Variants in DCAF17 observed in about 807,000 individuals in gnomAD.
DCAF17 encodes DDB1 and CUL4 associated factor 17, also known as DDB1- and CUL4-associated factor 17.
A neutral mutation model predicts 66.0 loss-of-function variants in DCAF17; 48 were observed. The ratio of observed to expected loss-of-function variants is 0.73; its 90% CI spans 0.58 to 0.92. The LOEUF is 0.92. Among genes scored for constraint, DCAF17 ranks in the 40% least tolerant of loss-of-function variants. DCAF17 has a pLI of 0.00. For synonymous variants in DCAF17, 206 were observed against 214.6 expected (o/e 0.96, Z 0.35); for missense variants, 562 against 622.8 (o/e 0.90, Z 1.04).
chr2:171,436,371 A>C, intron 2 of DCAF17, among the ~76,000 whole-genome samples: 1 of 152,210 alleles, frequency 6.6e-6, no homozygotes, highest in East Asian at 1.9e-4. Flanking sequence ...ATTATACTGT[A>C]ACTGCGTTTA....
At chr2:171,437,034 A>G (rs1329570947) in intron 2 of DCAF17, among the ~76,000 whole-genome samples, 1 of 146,936 alleles carries the variant, frequency 6.8e-6, no homozygotes, top group Non-Finnish European at 1.6e-5. Flanking sequence ...TCGGCCTCCC[A>G]AAGTGCTGGG....
intron 1 of DCAF17, 48 bp from the exon 2 acceptor site, chr2:171,435,035 T>G: frequency 7.1e-7 from 1 of 1,417,360 alleles, no homozygotes; most frequent in Non-Finnish European, 9.9e-7. Context: ...AAATCTAACT[T>G]AAAGCCTAAG....
chr2:171,446,501 A>G lies in DCAF17; in HGVS notation c.322-2180A>G, dbSNP rs190753413. ...GCAGAGGTTGCAGTGAGCAGAGATCATGCCACTGCACTCCAGCCTGGGTGA... is the reference window on the plus strand; with the variant it reads ...GCAGAGGTTGCAGTGAGCAGAGATCGTGCCACTGCACTCCAGCCTGGGTGA... On this transcript the variant is annotated intron_variant, in intron 3 of 13. Transcript: ENST00000375255. Among the ~76,000 whole-genome samples the G allele has an allele frequency of 1.0e-2, 1,515 of 152,062 alleles. 27 individuals are homozygous for G. The highest frequency in any genetic ancestry group is 0.035 in the African/African-American group (1,454 of 41,484).
At chr2:171,447,009 G>T (rs940608459) in intron 3 of DCAF17, among the ~76,000 whole-genome samples, 2 of 151,834 alleles carry the variant, frequency 1.3e-5, no homozygotes, top group Admixed American at 1.3e-4. Flanking sequence ...GTTTTTTCTC[G>T]GACAGTTAAT....
intron 12 of DCAF17, among the ~76,000 whole-genome samples, chr2:171,478,599 G>A (rs1234393077): frequency 6.6e-6 from 1 of 152,190 alleles, no homozygotes; most frequent in Non-Finnish European, 1.5e-5. Context: ...GGCATTGGAA[G>A]TATTTATGAA....
rs139050633 is a variant in DCAF17, at chr2:171,476,680, C to T, written c.1092-180C>T. The stretch of plus-strand genomic sequence containing the variant: ...ACGTTTTTCTGTTTAACAGAATCTC[C>T]GAATTTGAAGGAGTTCATGGACATT... On this transcript the variant is annotated intron_variant, in intron 10 of 13. Coordinates refer to ENST00000375255, the MANE Select transcript of DCAF17 (RefSeq NM_025000.4). Among the ~76,000 whole-genome samples, 25 of 152,252 alleles carry T rather than the reference C, an allele frequency of 1.6e-4. No homozygotes were observed. The East Asian group carries it at 3.9e-3, about 23-fold the overall frequency.
rs1044101422 is a variant in DCAF17, at chr2:171,443,418, G to A, written c.231-105G>A. 7 of 808,676 alleles carry A rather than the reference G, an allele frequency of 8.7e-6. No individual in the cohort carries two copies. The Admixed American group carries it at 1.3e-4, about 16-fold the overall frequency. 50.1% of individuals were successfully genotyped at this position (808,676 alleles called of 1,614,324 possible). A position where few individuals can be genotyped will look rare whatever the true frequency, so the allele number is the denominator to read the frequency against. Reference sequence around the variant, plus strand: ...TAGTTAAGAGGAAAGCAAATAAATTGTGCCTTGGTATTTCACATCTCTGAA... The same window carrying A: ...TAGTTAAGAGGAAAGCAAATAAATTATGCCTTGGTATTTCACATCTCTGAA... On this transcript the variant is annotated intron_variant, in intron 2 of 13. Transcript: ENST00000375255.
chr2:171,443,669 AGTT>A, intron 3 of DCAF17, 56 bp downstream of exon 3: 3 of 1,406,542 alleles, frequency 2.1e-6, no homozygotes, highest in Non-Finnish European at 3.0e-6. Context: ...TAGAAGAACC[AGTT>A]ATTATTAACA....
intron 8 of DCAF17, among the ~76,000 whole-genome samples, chr2:171,467,744 A>C (rs953231984): frequency 6.6e-6 from 1 of 151,666 alleles, no homozygotes; most frequent in Non-Finnish European, 1.5e-5. Flanking sequence ...AAAAAAAAAA[A>C]AAAAAAAAAA....
At chr2:171,448,868 C>A (rs1694792034) in intron 4 of DCAF17, 51 bp downstream of exon 4, 2 of 1,538,392 alleles carry the variant, frequency 1.3e-6, no homozygotes, top group South Asian at 1.1e-5. Context: ...AATTTGAAAC[C>A]TGTGGCCCAT....
chr2:171,454,811 C>T (rs1046193681), intron 6 of DCAF17, among the ~76,000 whole-genome samples: 17 of 151,554 alleles, frequency 1.1e-4, no homozygotes, highest in African/African-American at 2.9e-4. Flanking sequence ...GTGGGAGAAT[C>T]GCTTGAACCT....
intron 2 of DCAF17, among the ~76,000 whole-genome samples, chr2:171,440,829 C>G (rs1400963216): frequency 6.6e-6 from 1 of 152,172 alleles, no homozygotes; most frequent in East Asian, 1.9e-4. Context: ...GTTTTGGAGG[C>G]AGCAGTTTGC....
intron 6 of DCAF17, among the ~76,000 whole-genome samples, chr2:171,454,371 G>A (rs111845477): frequency 0.057 from 8,626 of 150,604 alleles, 324 homozygotes; most frequent in Middle Eastern, 0.15. Flanking sequence ...TGCAATCTCT[G>A]CCTCCTGGGT....
At chr2:171,455,446 G>A (rs1695204187) in intron 6 of DCAF17, among the ~76,000 whole-genome samples, 1 of 152,152 alleles carries the variant, frequency 6.6e-6, no homozygotes, top group Admixed American at 6.5e-5. Flanking sequence ...TTGCTCTTGT[G>A]AACAGTGCTG....
intron 10 of DCAF17, 149 bp from the exon 11 acceptor site, chr2:171,476,711 A>T: frequency 1.6e-6 from 1 of 623,736 alleles, no homozygotes; most frequent in Admixed American, 2.8e-5. Context: ...ACATTTAGTG[A>T]TCACTTATTA....
intron 9 of DCAF17, 94 bp from the exon 10 acceptor site, chr2:171,473,772 A>G: frequency 2.1e-6 from 2 of 959,638 alleles, no homozygotes; most frequent in Non-Finnish European, 1.6e-6. Flanking sequence ...TCTTCCGTGT[A>G]CCTTTGACCT....
In DCAF17 at chr2:171,448,720, C is replaced by G; in HGVS notation, c.361C>G (p.Leu121Val). The change falls in exon 4 of 14, where the codon CTC becomes GTC. Residue 121 changes from leucine (L) to valine (V), a missense_variant. By Grantham distance (32) the Leu-to-Val change is conservative. Transcript: ENST00000375255. Reference sequence around the variant, plus strand: ...CAATTCATCAGATTATAAGTCCTCACTCATAGCACTGACTGCTCATAATTG... The same window carrying G: ...CAATTCATCAGATTATAAGTCCTCAGTCATAGCACTGACTGCTCATAATTG... ...LPNSSDYKSS[L>V]IALTAHNWLL... 2 of 1,612,422 alleles carry G rather than the reference C, an allele frequency of 1.2e-6. No homozygotes were observed. The highest frequency in any genetic ancestry group is 2.2e-5 in the East Asian group (1 of 44,792).
At position 171,453,160 on chromosome 2, in the gene DCAF17, G is replaced by A. The variant is rs1695052372; in HGVS notation, c.574G>A (p.Val192Met). ...ACAACATGTTTTGCTGTACCTTGCA[G>A]TGTTCCGAGTTCTACCTTTTTCACT... is the stretch of plus-strand genomic sequence containing the variant. Reference protein sequence around the residue: ...IQQHVLLYLAVFRVLPFSLVG... With the variant: ...IQQHVLLYLAMFRVLPFSLVG... Residue 192 changes from valine (V) to methionine (M), a missense_variant, in exon 6 of 14, where the codon GTG becomes ATG. Physicochemically the swap from Val to Met is conservative, Grantham distance 21. Around this residue, in one of 3 missense-constraint regions of DCAF17, gnomAD observed 348 missense variants for 355.9 expected, o/e 0.98. Coordinates refer to ENST00000375255, the MANE Select transcript of DCAF17 (RefSeq NM_025000.4). 1 of 1,613,256 alleles carries A rather than the reference G, an allele frequency of 6.2e-7. No individual in the cohort carries two copies. The highest frequency in any genetic ancestry group is 1.1e-5 in the South Asian group (1 of 90,916).
At chr2:171,480,376 G>A (rs1167393801) in intron 13 of DCAF17, among the ~76,000 whole-genome samples, 183 bp downstream of exon 13, 1 of 152,098 alleles carries the variant, frequency 6.6e-6, no homozygotes, top group African/African-American at 2.4e-5. Context: ...CTGGGCACTA[G>A]GGGATCCTTA....
Sources: gnomAD v4.1 joint callset for allele counts (sites outside exome capture counted in the v4.1 genomes callset) on GRCh38, gnomAD v4.1.1 for gene constraint, gnomAD v4.1.1 regional missense constraint, MANE v1.5 for transcripts, NCBI Gene and HGNC (gene_info 2026-07-23, HGNC 2026-07-21) for gene names.